The following PTGER1 variants were observed in gnomAD, a reference collection of about 807,000 sequenced individuals.
PTGER1 encodes the protein prostaglandin E2 receptor EP1 subtype.
Under a neutral mutation model 18.5 loss-of-function variants are expected in PTGER1, and 15 were observed. The observed-to-expected ratio is 0.81, with a 90% CI of 0.54 to 1.25. PTGER1 has a LOEUF of 1.25. PTGER1 is among the 50% of genes most tolerant of loss of function. PTGER1 has a pLI of 0.00. For synonymous variants in PTGER1, 339 were observed against 308.4 expected, an observed-to-expected ratio of 1.10 and a Z score of -1.04; for missense variants, 567 against 603.4, an observed-to-expected ratio of 0.94 and a Z score of 0.63.
Position 14,472,814 on chromosome 19 carries a change from G to T in PTGER1, c.955C>A (p.Leu319Met). 1.3e-6 allele frequency: 2 copies of T among 1,554,096 alleles called. No individual in the cohort carries two copies. Residue 319 changes from leucine (L) to methionine (M), a missense_variant, in exon 3 of 3, where the codon CTG becomes ATG. Coordinates refer to ENST00000292513, the MANE Select transcript of PTGER1 (RefSeq NM_000955.3). ...CWSPMLVLVA[L>M]AVGGWSSTSL... is the part of the protein sequence containing the mutation. ...GTAGAGCTCCAGCCGCCGACGGCCAGCGCCACCAACACCTGCGGGGGAAGC... is the reference window on the plus strand; with the variant it reads ...GTAGAGCTCCAGCCGCCGACGGCCATCGCCACCAACACCTGCGGGGGAAGC...
rs1212835316 is a variant in PTGER1 at position 14,474,657 on chromosome 19, G to A, written c.-17-320C>T. Among the ~76,000 whole-genome samples the A allele has an allele frequency of 1.3e-5, 2 of 149,964 alleles. No homozygotes were observed. Among genetic ancestry groups the A allele is most frequent in the African/African-American group, 2.5e-5 (1 of 40,384 alleles). On this transcript the variant is annotated intron_variant, in intron 1 of 2. Transcript: ENST00000292513. The surrounding 1 kb of genome is among the most constrained non-coding windows in gnomAD (Gnocchi z 5.4). ...CTCAGGCATCTCTGCCAGTGCCTCC[G>A]ACCCCCACCTTCCATTTTTACACCC...
intron 2 of PTGER1, 69 bp from the exon 3 acceptor site, chr19:14,472,895 G>A: frequency 6.9e-7 from 1 of 1,446,698 alleles, no homozygotes; most frequent in Non-Finnish European, 9.2e-7. Flanking sequence ...TGGTGGGGGC[G>A]TGGCTGGAAG....
Position 14,474,141 on chromosome 19 carries a change from G to C in PTGER1, c.180C>G (p.Ala60=). ...AGCGGCGGCGTCGCAGGCGGCCCGC[G>C]GCCTGCGCCAGCAGCGCCAGCGCCA... The part of the protein sequence containing the change: ...NLLALALLAQ[A]AGRLRRRRSA... Residue 60 remains alanine (A), a synonymous_variant, in exon 2 of 3, where the codon GCC becomes GCG. Coordinates refer to ENST00000292513, the MANE Select transcript of PTGER1 (RefSeq NM_000955.3). This position sits in a 1 kb window ranked among gnomAD's most constrained non-coding sequence, Gnocchi z 5.4. The C allele has an allele frequency of 7.0e-7, 1 of 1,438,088 alleles. No homozygotes were observed. The highest frequency in any genetic ancestry group is 9.0e-7 in the Non-Finnish European group (1 of 1,107,024). The allele number at this position is 1,438,088 out of a possible 1,614,324, so 89.1% of individuals were successfully genotyped here.
chr19:14,474,152 G>GCAGCGC lies in PTGER1; in HGVS notation c.163_168dup (p.Ala55_Leu56dup), dbSNP rs770970721. On this transcript the variant is annotated inframe_insertion, in exon 2 of 3. Coordinates refer to ENST00000292513, the MANE Select transcript of PTGER1 (RefSeq NM_000955.3). The surrounding 1 kb of genome is among the most constrained non-coding windows in gnomAD (Gnocchi z 5.4). ...CGCAGGCGGCCCGCGGCCTGCGCCA[G>GCAGCGC]CAGCGCCAGCGCCAGCAGGTTGGAC... The GCAGCGC allele has an allele frequency of 1.4e-5, 21 of 1,454,408 alleles. No homozygotes were observed. Among genetic ancestry groups the GCAGCGC allele is most frequent in the South Asian group, 1.1e-4 (8 of 74,556 alleles). 90.1% of individuals were successfully genotyped at this position (1,454,408 alleles called of 1,614,324 possible). A position where few individuals can be genotyped will look rare whatever the true frequency, so the allele number is the denominator to read the frequency against.
At position 14,473,188 on chromosome 19, in the gene PTGER1, G is replaced by C. The variant is rs1396449836; in HGVS notation, c.942+191C>G. ...ACCCCAAAAAGGAAGAGGAGAGGGG[G>C]GCTAGGAGGAAGGATGGGAGGTCAG... On this transcript the variant is annotated intron_variant, in intron 2 of 2. Transcript: ENST00000292513. The surrounding 1 kb of genome is among the most constrained non-coding windows in gnomAD (Gnocchi z 7.1). 6.6e-6 allele frequency among the ~76,000 whole-genome samples: 1 copy of C among 152,000 alleles called. No homozygotes were observed. Among genetic ancestry groups the C allele is most frequent in the Non-Finnish European group, 1.5e-5 (1 of 68,000 alleles).
At position 14,472,529 on chromosome 19, in the gene PTGER1, G is replaced by A. The variant is rs1487801894; in HGVS notation, c.*31C>T. On this transcript the variant is annotated 3_prime_UTR_variant, in exon 3 of 3. Coordinates refer to ENST00000292513, the MANE Select transcript of PTGER1 (RefSeq NM_000955.3). ...CGCACCTGGGCCCAGCCCAGGGTGG[G>A]CTGGCTTAGTCGTTGGGCCTCTGGT... is the stretch of plus-strand genomic sequence containing the variant. 3 of 1,517,276 alleles carry A rather than the reference G, an allele frequency of 2.0e-6. No homozygotes were observed. Among genetic ancestry groups the A allele is most frequent in the Non-Finnish European group, 1.8e-6 (2 of 1,139,812 alleles). 94.0% of individuals were successfully genotyped at this position (1,517,276 alleles called of 1,614,324 possible). A position where few individuals can be genotyped will look rare whatever the true frequency, so the allele number is the denominator to read the frequency against.
chr19:14,474,078 C>A lies in PTGER1; in HGVS notation c.243G>T (p.Leu81=). The change falls in exon 2 of 3, where the codon CTG becomes CTT. Residue 81 remains leucine, a synonymous_variant. Transcript: ENST00000292513. This position sits in a 1 kb window ranked among gnomAD's most constrained non-coding sequence, Gnocchi z 5.4. ...ATFLLFVASL[L]ATDLAGHVIP... is the part of the protein sequence containing the mutation. ...TCACGTGGCCCGCCAGGTCGGTGGC[C>A]AGCAGGCTGGCCACGAACAGCAGGA... 1 of 1,490,582 alleles carries A rather than the reference C, an allele frequency of 6.7e-7. No individual in the cohort carries two copies. Among genetic ancestry groups the A allele is most frequent in the East Asian group, 2.8e-5 (1 of 35,168 alleles). 92.3% of individuals were successfully genotyped at this position (1,490,582 alleles called of 1,614,324 possible). A position where few individuals can be genotyped will look rare whatever the true frequency, so the allele number is the denominator to read the frequency against.
chr19:14,474,363 T>A lies in PTGER1; in HGVS notation c.-17-26A>T, dbSNP rs1599340215. 2.7e-6 allele frequency: 4 copies of A among 1,458,876 alleles called. No individual in the cohort carries two copies. In the East Asian group the frequency reaches 1.1e-4, roughly 41 times the overall value. The allele number at this position is 1,458,876 out of a possible 1,614,324, so 90.4% of individuals were successfully genotyped here. A position where few individuals can be genotyped will look rare whatever the true frequency, so the allele number is the denominator to read the frequency against. On this transcript the variant is annotated intron_variant, in intron 1 of 2. Transcript: ENST00000292513. The surrounding 1 kb of genome is among the most constrained non-coding windows in gnomAD (Gnocchi z 5.4). ...CTGGATAGAGGAGAGGAGGGCAGAG[T>A]GAGGCTGGCTGGGCCCGGGCGGGGA...
At position 14,474,411 on chromosome 19, in the gene PTGER1, AAC is replaced by A; in HGVS notation, c.-17-76_-17-75del. ...GGACCAGCCCACGGTGCCATCTCAG[AAC>A]ATCAGGGCCTGTTTGACTCCATGGC... On this transcript the variant is annotated intron_variant, in intron 1 of 2. Coordinates refer to ENST00000292513, the MANE Select transcript of PTGER1 (RefSeq NM_000955.3). This position sits in a 1 kb window ranked among gnomAD's most constrained non-coding sequence, Gnocchi z 5.4. 7.3e-7 allele frequency: 1 copy of A among 1,374,352 alleles called. No homozygotes were observed. The highest frequency in any genetic ancestry group is 9.4e-7 in the Non-Finnish European group (1 of 1,063,608). The allele number at this position is 1,374,352 out of a possible 1,614,324, so 85.1% of individuals were successfully genotyped here.
chr19:14,473,816 C>T lies in PTGER1; in HGVS notation c.505G>A (p.Ala169Thr), dbSNP rs2071589656. 7.2e-7 allele frequency: 1 copy of T among 1,392,154 alleles called. No homozygotes were observed. Among genetic ancestry groups the T allele is most frequent in the Non-Finnish European group, 9.3e-7 (1 of 1,072,512 alleles). The allele number at this position is 1,392,154 out of a possible 1,614,324, so 86.2% of individuals were successfully genotyped here. ...CCCACGCGCGCCAGCGGCAGCAGCG[C>T]CACGGCCAAGGCCACCGCGGCCACC... ...AAVAAVALAV[A>T]LLPLARVGRY... Residue 169 changes from alanine (A) to threonine (T), a missense_variant, in exon 2 of 3, where the codon GCG becomes ACG. Coordinates refer to ENST00000292513, the MANE Select transcript of PTGER1 (RefSeq NM_000955.3). This position sits in a 1 kb window ranked among gnomAD's most constrained non-coding sequence, Gnocchi z 7.1.
In PTGER1 at chr19:14,474,465, G is replaced by T; in HGVS notation, c.-17-128C>A. ...TTCTCAGGCGGCCCCTCTGCCCATG[G>T]CAGTTGCCATGGGCAACTCCAAATG... On this transcript the variant is annotated intron_variant, in intron 1 of 2. Transcript: ENST00000292513. This position sits in a 1 kb window ranked among gnomAD's most constrained non-coding sequence, Gnocchi z 5.4. 1.8e-6 allele frequency: 2 copies of T among 1,106,738 alleles called. No individual in the cohort carries two copies. Among genetic ancestry groups the T allele is most frequent in the Non-Finnish European group, 2.4e-6 (2 of 831,660 alleles). 68.6% of individuals were successfully genotyped at this position (1,106,738 alleles called of 1,614,324 possible). A position where few individuals can be genotyped will look rare whatever the true frequency, so the allele number is the denominator to read the frequency against.
rs1165577738 is a variant in PTGER1 at position 14,473,309 on chromosome 19, G to A, written c.942+70C>T. On this transcript the variant is annotated intron_variant, in intron 2 of 2. Coordinates refer to ENST00000292513, the MANE Select transcript of PTGER1 (RefSeq NM_000955.3). The surrounding 1 kb of genome is among the most constrained non-coding windows in gnomAD (Gnocchi z 7.1). ...ATGGAGGCCCCAGGTGTCCTGGGAC[G>A]ACAAAGGGCGGGAGGGTGCCGAGAG... The A allele has an allele frequency of 4.6e-6, 7 of 1,532,306 alleles. No homozygotes were observed. The highest frequency in any genetic ancestry group is 4.0e-5 in the Admixed American group (2 of 50,506). The allele number at this position is 1,532,306 out of a possible 1,614,324, so 94.9% of individuals were successfully genotyped here. A position where few individuals can be genotyped will look rare whatever the true frequency, so the allele number is the denominator to read the frequency against.
intron 2 of PTGER1, 104 bp from the exon 3 acceptor site, chr19:14,472,930 G>C: frequency 8.5e-7 from 1 of 1,181,454 alleles, no homozygotes; most frequent in Admixed American, 2.8e-5. Flanking sequence ...GGAGGGGCGA[G>C]CCGTCGCAGG....
Position 14,474,379 on chromosome 19 carries a change from C to G in PTGER1, c.-17-42G>C. On this transcript the variant is annotated intron_variant, in intron 1 of 2. Coordinates refer to ENST00000292513, the MANE Select transcript of PTGER1 (RefSeq NM_000955.3). The surrounding 1 kb of genome is among the most constrained non-coding windows in gnomAD (Gnocchi z 5.4). ...AGGGCAGAGTGAGGCTGGCTGGGCC[C>G]GGGCGGGGACCAGCCCACGGTGCCA... 2 of 1,436,286 alleles carry G rather than the reference C, an allele frequency of 1.4e-6. No homozygotes were observed. Among genetic ancestry groups the G allele is most frequent in the South Asian group, 1.4e-5 (1 of 72,152 alleles). The allele number at this position is 1,436,286 out of a possible 1,614,324, so 89.0% of individuals were successfully genotyped here. A position where few individuals can be genotyped will look rare whatever the true frequency, so the allele number is the denominator to read the frequency against.
Position 14,474,045 on chromosome 19 carries a change from G to T in PTGER1, c.276C>A (p.Gly92=), listed in dbSNP as rs1282177449. 6.7e-7 allele frequency: 1 copy of T among 1,497,610 alleles called. No homozygotes were observed. Among genetic ancestry groups the T allele is most frequent in the Non-Finnish European group, 8.9e-7 (1 of 1,128,728 alleles). 92.8% of individuals were successfully genotyped at this position (1,497,610 alleles called of 1,614,324 possible). A position where few individuals can be genotyped will look rare whatever the true frequency, so the allele number is the denominator to read the frequency against. The change falls in exon 2 of 3, where the codon GGC becomes GGA. Residue 92 remains glycine, a synonymous_variant. Coordinates refer to ENST00000292513, the MANE Select transcript of PTGER1 (RefSeq NM_000955.3). The surrounding 1 kb of genome is among the most constrained non-coding windows in gnomAD (Gnocchi z 5.4). ...ATDLAGHVIP[G]ALVLRLYTAG... ...CAGTGTACAGACGCAGCACCAGCGC[G>T]CCCGGGATCACGTGGCCCGCCAGGT...
rs1182643294 is a variant in PTGER1 at position 14,474,481 on chromosome 19, A to G, written c.-17-144T>C. On this transcript the variant is annotated intron_variant, in intron 1 of 2. Transcript: ENST00000292513. The surrounding 1 kb of genome is among the most constrained non-coding windows in gnomAD (Gnocchi z 5.4). ...CTGCCCATGGCAGTTGCCATGGGCAACTCCAAATGACCTGGCCACTCCATT... is the reference window on the plus strand; with the variant it reads ...CTGCCCATGGCAGTTGCCATGGGCAGCTCCAAATGACCTGGCCACTCCATT... 1.2e-6 allele frequency: 1 copy of G among 863,302 alleles called. No homozygotes were observed. Among genetic ancestry groups the G allele is most frequent in the Non-Finnish European group, 1.6e-6 (1 of 613,052 alleles). The allele number at this position is 863,302 out of a possible 1,614,324, so 53.5% of individuals were successfully genotyped here. A position where few individuals can be genotyped will look rare whatever the true frequency, so the allele number is the denominator to read the frequency against.
In PTGER1 at chr19:14,472,571, T is replaced by C. The variant is rs1385084523; in HGVS notation, c.1198A>G (p.Ser400Gly). 2 of 1,582,612 alleles carry C rather than the reference T, an allele frequency of 1.3e-6. No homozygotes were observed. Among genetic ancestry groups the C allele is most frequent in the Non-Finnish European group, 1.7e-6 (2 of 1,168,250 alleles). The change falls in exon 3 of 3, where the codon AGC becomes GGC. Residue 400 changes from serine (S) to glycine (G), a missense_variant. By Grantham distance (56) the Ser-to-Gly change is moderately conservative. Transcript: ENST00000292513. ...SLRSSRHSGL[S>G]HF ...GCCTCTGGTTGTGCTTAGAAGTGGC[T>C]GAGGCCGCTGTGCCGGGAGCTGCGC...
chr19:14,474,071 C>T lies in PTGER1; in HGVS notation c.250G>A (p.Asp84Asn). 6.7e-7 allele frequency: 1 copy of T among 1,492,744 alleles called. No individual in the cohort carries two copies. The highest frequency in any genetic ancestry group is 8.9e-7 in the Non-Finnish European group (1 of 1,126,782). 92.5% of individuals were successfully genotyped at this position (1,492,744 alleles called of 1,614,324 possible). ...CCCGGGATCACGTGGCCCGCCAGGT[C>T]GGTGGCCAGCAGGCTGGCCACGAAC... is the stretch of plus-strand genomic sequence containing the variant. ...LLFVASLLAT[D>N]LAGHVIPGAL... The change falls in exon 2 of 3, where the codon GAC becomes AAC. Residue 84 changes from aspartate (D) to asparagine (N), a missense_variant. Physicochemically the swap from Asp to Asn is conservative, Grantham distance 23. Coordinates refer to ENST00000292513, the MANE Select transcript of PTGER1 (RefSeq NM_000955.3). The surrounding 1 kb of genome is among the most constrained non-coding windows in gnomAD (Gnocchi z 5.4).
chr19:14,473,354 C>G lies in PTGER1; in HGVS notation c.942+25G>C, dbSNP rs900008580. 1.3e-6 allele frequency: 2 copies of G among 1,555,994 alleles called. No individual in the cohort carries two copies. The highest frequency in any genetic ancestry group is 1.7e-6 in the Non-Finnish European group (2 of 1,156,082). On this transcript the variant is annotated intron_variant, in intron 2 of 2. Transcript: ENST00000292513. The surrounding 1 kb of genome is among the most constrained non-coding windows in gnomAD (Gnocchi z 7.1). ...CGAGAGGGAGCGGGAAGGAGCGTGGCTCGAGGGGCCGGTGCGCCCCTCACC... is the reference window on the plus strand; with the variant it reads ...CGAGAGGGAGCGGGAAGGAGCGTGGGTCGAGGGGCCGGTGCGCCCCTCACC...
Sources: allele counts gnomAD v4.1 joint callset (sites outside exome capture counted in the v4.1 genomes callset), GRCh38; gene constraint gnomAD v4.1.1; non-coding constraint Gnocchi (gnomAD v3.1); transcripts MANE v1.5; gene names NCBI Gene and HGNC (gene_info 2026-07-23, HGNC 2026-07-21).